Variants in TUSC3 observed in about 807,000 individuals in gnomAD.
The protein encoded by TUSC3 is tumor suppressor candidate 3, also known as dolichyl-diphosphooligosaccharide--protein glycosyltransferase subunit TUSC3.
A neutral mutation model predicts 44.8 loss-of-function variants in TUSC3; 45 were observed. That is an observed-to-expected ratio of 1.00 (90% CI 0.79 to 1.29). The LOEUF is 1.29. Ranked by LOEUF, TUSC3 falls within the 50% of genes most tolerant of loss-of-function variation. The pLI is 0.00. For missense variants in TUSC3, 519 were observed against 437.9 expected, an observed-to-expected ratio of 1.19 and a Z score of -1.65; for synonymous variants, 212 against 152.9, an observed-to-expected ratio of 1.39 and a Z score of -2.85.
chr8:15,785,895 G>T, the TUSC3 span, among the ~76,000 whole-genome samples: 1 of 151,594 alleles, frequency 6.6e-6, no homozygotes, highest in African/African-American at 2.4e-5. Flanking sequence ...ATGCTGCATG[G>T]TCCAATTGCT....
At chr8:15,758,574 C>T (rs352798) in intron 10 of TUSC3, among the ~76,000 whole-genome samples, 133,749 of 151,886 alleles carry the variant, frequency 0.88, 59,097 homozygotes, top group East Asian at 0.97. Context: ...GTAATACAGC[C>T]TTCTTACTCT....
At chr8:15,615,118 C>G (rs1334852017) in intron 1 of TUSC3, among the ~76,000 whole-genome samples, 1 of 152,000 alleles carries the variant, frequency 6.6e-6, no homozygotes, top group African/African-American at 2.4e-5. Flanking sequence ...GTTATTTATC[C>G]AAAGGAAAGG....
At chr8:15,684,815 T>G (rs1480465282) in intron 6 of TUSC3, among the ~76,000 whole-genome samples, 1 of 152,128 alleles carries the variant, frequency 6.6e-6, no homozygotes, top group South Asian at 2.1e-4. Flanking sequence ...AGCCCCTGGA[T>G]GTAAAGCAGC....
intron 6 of TUSC3, among the ~76,000 whole-genome samples, chr8:15,722,600 G>A (rs1292704933): frequency 6.6e-6 from 1 of 151,940 alleles, no homozygotes; most frequent in Non-Finnish European, 1.5e-5. Context: ...GAACTATGTC[G>A]TTTGTTATGT....
At chr8:15,526,559 T>C (rs1056384568) in intron 2 of TUSC3, among the ~76,000 whole-genome samples, 1 of 151,370 alleles carries the variant, frequency 6.6e-6, no homozygotes, top group Non-Finnish European at 1.5e-5. Context: ...TCTCAGGAGA[T>C]CTTATCGTTT....
chr8:15,717,270 T>A (rs1403655309), intron 6 of TUSC3, among the ~76,000 whole-genome samples: 1 of 152,078 alleles, frequency 6.6e-6, no homozygotes. Flanking sequence ...TCAAGGTGAA[T>A]TTTGGTTTAT....
chr8:15,771,211 A>G (rs113922967), downstream of TUSC3, among the ~76,000 whole-genome samples: 1 of 152,174 alleles, frequency 6.6e-6, no homozygotes, highest in Non-Finnish European at 1.5e-5. Flanking sequence ...TCTGTTCTAC[A>G]TAGACCTATA....
intron 6 of TUSC3, among the ~76,000 whole-genome samples, chr8:15,707,805 T>A (rs1022318873): frequency 6.6e-6 from 1 of 151,796 alleles, no homozygotes; most frequent in Non-Finnish European, 1.5e-5. Context: ...CACAAATTTG[T>A]TCTCTCACAG....
rs556242562 is a variant in TUSC3, at chr8:15,705,596, C to T, written c.799-25070C>T. ...CTTCACAAAGCGCTGATAGCTTGCT[C>T]TGATAAAAGTTTCTCAGAAGGCTGA... is the stretch of plus-strand genomic sequence containing the variant. On this transcript the variant is annotated intron_variant, in intron 6 of 10. Transcript: ENST00000503731. Among the ~76,000 whole-genome samples, 14 of 152,158 alleles carry T rather than the reference C, an allele frequency of 9.2e-5. No homozygotes were observed. The South Asian group carries it at 2.9e-3, about 32-fold the overall frequency.
chr8:15,621,291 A>G (rs1308937025), intron 1 of TUSC3, among the ~76,000 whole-genome samples: 1 of 151,680 alleles, frequency 6.6e-6, no homozygotes, highest in Non-Finnish European at 1.5e-5. Context: ...TTAAATATAT[A>G]ACAGTTTTCT....
intron 1 of TUSC3, among the ~76,000 whole-genome samples, chr8:15,606,031 T>C (rs1804509859): frequency 6.6e-6 from 1 of 152,030 alleles, no homozygotes; most frequent in South Asian, 2.1e-4. Flanking sequence ...TTTTTCATTC[T>C]GTTTAATGTA....
Position 15,423,732 on chromosome 8 carries a change from G to A in TUSC3, n.91+6427G>A, listed in dbSNP as rs147540406. Among the ~76,000 whole-genome samples, 224 of 152,150 alleles carry A rather than the reference G, an allele frequency of 1.5e-3. 1 individual carries two copies. The highest frequency in any genetic ancestry group is 5.1e-3 in the African/African-American group (210 of 41,498). On this transcript the variant is annotated intron_variant and non_coding_transcript_variant, in intron 1 of 5. Transcript: ENST00000503191. The stretch of plus-strand genomic sequence containing the variant: ...TTCTCCAAGTGAAGGACAAGTCAGA[G>A]GTTTACCTTTACTCTCATTCTGAAG...
chr8:15,483,649 A>ATTTTTTTGTTTTTTTTTTTTTTTTT (rs1800694621), intron 2 of TUSC3, among the ~76,000 whole-genome samples: 1 of 66,166 alleles, frequency 1.5e-5, no homozygotes, highest in Non-Finnish European at 2.8e-5. Flanking sequence ...TAGCACTGTG[A>ATTTTTTTGTTTTTTTTTTTTTTTTT]TTTTTTTTTT....
intron 1 of TUSC3, among the ~76,000 whole-genome samples, chr8:15,586,269 T>C (rs1285546876): frequency 1.3e-5 from 2 of 152,138 alleles, no homozygotes; most frequent in Admixed American, 6.6e-5. Flanking sequence ...ACAAACAGCT[T>C]ACCTTTGAGA....
At chr8:15,562,574 A>C (rs1401211829) in intron 1 of TUSC3, among the ~76,000 whole-genome samples, 1 of 152,164 alleles carries the variant, frequency 6.6e-6, no homozygotes, top group East Asian at 1.9e-4. Context: ...TAAGGGTCTT[A>C]GGAGGCCAAA....
At chr8:15,683,033 G>A (rs1043527404) in intron 6 of TUSC3, among the ~76,000 whole-genome samples, 8 of 152,090 alleles carry the variant, frequency 5.3e-5, no homozygotes, top group African/African-American at 1.9e-4. Context: ...AGCCTGATGA[G>A]GTTCCCTTCA....
chr8:15,531,048 C>G lies in TUSC3; in HGVS notation n.189+47565C>G, dbSNP rs552547086. Among the ~76,000 whole-genome samples, 4 of 152,238 alleles carry G rather than the reference C, an allele frequency of 2.6e-5. No individual in the cohort carries two copies. The East Asian group carries it at 7.8e-4, about 30-fold the overall frequency. The stretch of plus-strand genomic sequence containing the variant: ...CATGTGTATAACTCCAGTAAACACA[C>G]TGTGTGTGCTCACCTGCTAGGCACT... On this transcript the variant is annotated intron_variant and non_coding_transcript_variant, in intron 2 of 5. Transcript: ENST00000503191.
At chr8:15,741,849 C>G (rs906610309) in intron 7 of TUSC3, among the ~76,000 whole-genome samples, 1 of 152,016 alleles carries the variant, frequency 6.6e-6, no homozygotes, top group Admixed American at 6.5e-5. Context: ...TTAGTAACTC[C>G]TTGTTAAGGA....
At chr8:15,825,988 A>T in the TUSC3 span, among the ~76,000 whole-genome samples, 1 of 151,796 alleles carries the variant, frequency 6.6e-6, no homozygotes, top group Non-Finnish European at 1.5e-5. Flanking sequence ...TTAAAATAAA[A>T]ATGTGCTGAT....
Sources: allele counts gnomAD v4.1 joint callset (sites outside exome capture counted in the v4.1 genomes callset), GRCh38; gene constraint gnomAD v4.1.1; transcripts MANE v1.5; gene names NCBI Gene and HGNC (gene_info 2026-07-23, HGNC 2026-07-21).